The following ADGRV1 variants were observed in gnomAD, a reference collection of about 807,000 sequenced individuals.
The protein encoded by ADGRV1 is adhesion G protein-coupled receptor V1.
Under a neutral mutation model 596.2 loss-of-function variants are expected in ADGRV1, and 359 were observed. The ratio of observed to expected loss-of-function variants is 0.60; its 90% CI spans 0.55 to 0.66. ADGRV1 has a LOEUF of 0.66. Among genes scored for constraint, ADGRV1 ranks in the 30% least tolerant of loss-of-function variants. The pLI, the probability that ADGRV1 is intolerant of heterozygous loss-of-function variation, is 0.00. For missense variants in ADGRV1, 7,274 were observed against 7,575.6 expected, an observed-to-expected ratio of 0.96 and a Z score of 1.48; for synonymous variants, 2,681 against 2,679.2, an observed-to-expected ratio of 1.00 and a Z score of -0.02.
intron 21 of ADGRV1, among the ~76,000 whole-genome samples, chr5:90,659,522 T>C (rs765007114): frequency 6.6e-6 from 1 of 152,230 alleles, no homozygotes; most frequent in Non-Finnish European, 1.5e-5. Flanking sequence ...TGTTCCAAAG[T>C]ACAAGGTAGA....
rs144384237 is a variant in ADGRV1, at chr5:91,126,518, T to C, written c.18433-23512T>C. On this transcript the variant is annotated intron_variant, in intron 87 of 89. Transcript: ENST00000405460. Reference sequence around the variant, plus strand: ...ATAGACTTAGTGAAGAGGGTAGAAGTAGAAATGAGGTCAGCCCCCCAGAGC... The same window carrying C: ...ATAGACTTAGTGAAGAGGGTAGAAGCAGAAATGAGGTCAGCCCCCCAGAGC... 7.9e-3 allele frequency among the ~76,000 whole-genome samples: 1,207 copies of C among 152,166 alleles called. 15 individuals are homozygous for C. Among genetic ancestry groups the C allele is most frequent in the African/African-American group, 0.028 (1,152 of 41,508 alleles).
chr5:90,788,150 GGTT>G lies in ADGRV1; in HGVS notation c.13737_13739del (p.Leu4579del). 1 of 1,613,786 alleles carries G rather than the reference GGTT, an allele frequency of 6.2e-7. No individual in the cohort carries two copies. Among genetic ancestry groups the G allele is most frequent in the Non-Finnish European group, 8.5e-7 (1 of 1,179,750 alleles). ...AGAGACATTGCAGACCCAGTGAGCGGGTTGTTCTATTTTGGAGAAGGAGAAGGA... is the reference window on the plus strand; with the variant it reads ...AGAGACATTGCAGACCCAGTGAGCGGGTTCTATTTTGGAGAAGGAGAAGGA... On this transcript the variant is annotated inframe_deletion, in exon 68 of 90. Coordinates refer to ENST00000405460, the MANE Select transcript of ADGRV1 (RefSeq NM_032119.4).
intron 83 of ADGRV1, among the ~76,000 whole-genome samples, chr5:90,937,760 G>GATTGT (rs1775838218): frequency 6.6e-6 from 1 of 151,938 alleles, no homozygotes; most frequent in Admixed American, 6.6e-5. Context: ...CCCGGCCAGT[G>GATTGT]ATTGTATTTT....
chr5:91,068,633 A>G (rs1422852706), intron 85 of ADGRV1, among the ~76,000 whole-genome samples: 5 of 152,130 alleles, frequency 3.3e-5, no homozygotes, highest in Non-Finnish European at 7.4e-5. Context: ...AAGAAATAAT[A>G]CATGACACAA....
intron 52 of ADGRV1, among the ~76,000 whole-genome samples, chr5:90,747,719 C>G (rs1292345759): frequency 3.9e-5 from 6 of 152,190 alleles, no homozygotes; most frequent in Non-Finnish European, 8.8e-5. Flanking sequence ...GAATGTTCAG[C>G]ATAAACCACA....
At position 90,777,971 on chromosome 5, in the gene ADGRV1, G is replaced by T; in HGVS notation, c.12594G>T (p.Val4198=). 3 of 1,609,998 alleles carry T rather than the reference G, an allele frequency of 1.9e-6. No homozygotes were observed. Among genetic ancestry groups the T allele is most frequent in the East Asian group, 2.2e-5 (1 of 44,788 alleles). Residue 4198 remains valine (V), a synonymous_variant, in exon 62 of 90, where the codon GTG becomes GTT. Transcript: ENST00000405460. ...TCTGGAGGATATTCCCTCCTTCCGT[G>T]GGGGAATTTGCTGAAACATCAGGAA... is the stretch of plus-strand genomic sequence containing the variant. The part of the protein sequence containing the change: ...TVFWRIFPPS[V]GEFAETSGKL...
chr5:90,681,344 G>A lies in ADGRV1; in HGVS notation c.5554G>A (p.Val1852Met). 6.2e-7 allele frequency: 1 copy of A among 1,613,662 alleles called. No homozygotes were observed. Among genetic ancestry groups the A allele is most frequent in the Non-Finnish European group, 8.5e-7 (1 of 1,179,786 alleles). ...ASLGVASQIL[V>M]TIAASDHAHG... is the part of the protein sequence containing the mutation. ...TCTAGGAGTGGCTTCCCAAATTCTA[G>A]TGACAATTGCAGCCTCTGACCACGC... Residue 1852 changes from valine (V) to methionine (M), a missense_variant, in exon 27 of 90, where the codon GTG becomes ATG. Val to Met is a conservative substitution (Grantham distance 21). Around this residue, in one of 5 missense-constraint regions of ADGRV1, gnomAD observed 3,643 missense variants for 3,809.2 expected, o/e 0.96. Coordinates refer to ENST00000405460, the MANE Select transcript of ADGRV1 (RefSeq NM_032119.4).
At chr5:90,958,283 CAAAAAAAAAAAAA>C (rs34676985) in intron 83 of ADGRV1, among the ~76,000 whole-genome samples, 2 of 72,840 alleles carry the variant, frequency 2.7e-5, no homozygotes. Flanking sequence ...GACCTTGTCT[CAAAAAAAAAAAAA>C]AAAAAAAGAA....
Position 90,805,330 on chromosome 5 carries a change from G to T in ADGRV1, c.14708G>T (p.Gly4903Val). Reference protein sequence around the residue: ...TAFQLMNITAGTSHVMISRRG... With the variant: ...TAFQLMNITAVTSHVMISRRG... ...TTTCAACTCATGAACATCACTGCTG[G>T]CACAAGCCACGTTATGATTTCTAGG... Residue 4903 changes from glycine to valine, a missense_variant, in exon 72 of 90, where the codon GGC becomes GTC. This residue lies in a region of ADGRV1 where 1,874 missense variants were observed against 1,970.2 expected (regional missense o/e 0.95). Coordinates refer to ENST00000405460, the MANE Select transcript of ADGRV1 (RefSeq NM_032119.4). The T allele has an allele frequency of 6.2e-7, 1 of 1,612,528 alleles. No individual in the cohort carries two copies.
chr5:90,581,335 G>A (rs920258688), intron 1 of ADGRV1, among the ~76,000 whole-genome samples: 1 of 152,154 alleles, frequency 6.6e-6, no homozygotes, highest in Non-Finnish European at 1.5e-5. Context: ...GAGAAGAGGT[G>A]CTCTAGTTTT....
At chr5:90,724,804 C>T (rs1751545530) in intron 45 of ADGRV1, 28 bp from the exon 46 acceptor site, 5 of 1,605,756 alleles carry the variant, frequency 3.1e-6, no homozygotes, top group Middle Eastern at 1.7e-4. Context: ...GAGTAATAAA[C>T]TAGTAAACCA....
chr5:90,788,233 G>A lies in ADGRV1; in HGVS notation c.13816G>A (p.Glu4606Lys). 1 of 1,612,866 alleles carries A rather than the reference G, an allele frequency of 6.2e-7. No homozygotes were observed. Among genetic ancestry groups the A allele is most frequent in the Non-Finnish European group, 8.5e-7 (1 of 1,178,912 alleles). Residue 4606 changes from glutamate (E) to lysine (K), a missense_variant, in exon 68 of 90, where the codon GAG becomes AAG. By Grantham distance (56) the Glu-to-Lys change is moderately conservative. Around this residue, in one of 5 missense-constraint regions of ADGRV1, gnomAD observed 3,643 missense variants for 3,809.2 expected, o/e 0.96. Transcript: ENST00000405460. ...IYPHEEIEVE[E>K]TFIIKLHLVK... is the part of the protein sequence containing the mutation. ...TCCTCATGAAGAAATTGAAGTTGAA[G>A]AGACATTCATTATTAAACTTCATCT...
chr5:90,748,993 C>T (rs1238811330), intron 52 of ADGRV1, among the ~76,000 whole-genome samples: 5 of 152,092 alleles, frequency 3.3e-5, no homozygotes, highest in African/African-American at 1.2e-4. Context: ...CCTTATACAA[C>T]TCTATAGGGC....
At chr5:90,981,582 T>C (rs1780081102) in intron 84 of ADGRV1, among the ~76,000 whole-genome samples, 1 of 152,002 alleles carries the variant, frequency 6.6e-6, no homozygotes, top group South Asian at 2.1e-4. Context: ...TGTGCATGGG[T>C]GTGTATGTGT....
chr5:91,053,168 C>T (rs968801625), intron 85 of ADGRV1, among the ~76,000 whole-genome samples: 2 of 152,156 alleles, frequency 1.3e-5, no homozygotes, highest in Non-Finnish European at 2.9e-5. Flanking sequence ...GCTAAACTGT[C>T]TGGGGTTCTT....
intron 21 of ADGRV1, among the ~76,000 whole-genome samples, chr5:90,666,502 G>C (rs1262232277): frequency 6.7e-6 from 1 of 150,124 alleles, no homozygotes; most frequent in Non-Finnish European, 1.5e-5. Flanking sequence ...TTGAGCCTAT[G>C]TGTGTCTCTG....
Position 90,999,139 on chromosome 5 carries a change from G to A in ADGRV1, c.18152+13617G>A, listed in dbSNP as rs539624727. 4.5e-3 allele frequency among the ~76,000 whole-genome samples: 681 copies of A among 151,734 alleles called. 4 individuals carry two copies. The highest frequency in any genetic ancestry group is 0.016 in the African/African-American group (653 of 41,426). On this transcript the variant is annotated intron_variant, in intron 85 of 89. Coordinates refer to ENST00000405460, the MANE Select transcript of ADGRV1 (RefSeq NM_032119.4). ...CTTCTTTTCTTTTGGAGGTGAGGTG[G>A]GCTATATTATAGCTATTAGCTTTTG...
chr5:90,872,988 G>T (rs1248243607), intron 83 of ADGRV1, among the ~76,000 whole-genome samples: 1 of 152,152 alleles, frequency 6.6e-6, no homozygotes, highest in Non-Finnish European at 1.5e-5. Context: ...TACAAAATTG[G>T]TTTTTAGATT....
rs147798076 is a variant in ADGRV1, at chr5:90,724,642, A to G, written c.9749-190A>G. On this transcript the variant is annotated intron_variant, in intron 45 of 89. Transcript: ENST00000405460. ...ATAATTTAAAAATATTCTTATTTGTAGTACAAATTCATTATTTGTAGTTAT... is the reference window on the plus strand; with the variant it reads ...ATAATTTAAAAATATTCTTATTTGTGGTACAAATTCATTATTTGTAGTTAT... Among the ~76,000 whole-genome samples the G allele has an allele frequency of 7.9e-3, 1,211 of 152,334 alleles. 6 individuals are homozygous for G. Among genetic ancestry groups the G allele is most frequent in the Non-Finnish European group, 0.013 (887 of 68,016 alleles).
Sources: gnomAD v4.1 joint callset for allele counts (sites outside exome capture counted in the v4.1 genomes callset) on GRCh38, gnomAD v4.1.1 for gene constraint, gnomAD v4.1.1 regional missense constraint, MANE v1.5 for transcripts, NCBI Gene and HGNC (gene_info 2026-07-23, HGNC 2026-07-21) for gene names.